Variants in MITF observed in about 807,000 individuals in gnomAD.
The protein encoded by MITF is microphthalmia-associated transcription factor.
Under a neutral mutation model 60.5 loss-of-function variants are expected in MITF, and 17 were observed. That is an observed-to-expected ratio of 0.28 (90% confidence interval 0.19 to 0.42). MITF has a LOEUF of 0.42. Ranked by LOEUF, MITF falls within the 10% of genes least tolerant of loss-of-function variation. The probability of loss-of-function intolerance (pLI) is 1.00; values close to 1 mark genes in which losing one functional copy is unlikely to be tolerated. For missense variants in MITF, 622 were observed against 683.5 expected, an observed-to-expected ratio of 0.91 and a Z score of 1.00; for synonymous variants, 260 against 248.5, an observed-to-expected ratio of 1.05 and a Z score of -0.43.
intron 5 of MITF, among the ~76,000 whole-genome samples, chr3:69,941,585 A>G (rs1576013024): frequency 1.3e-5 from 2 of 152,286 alleles, no homozygotes; most frequent in East Asian, 3.9e-4. Context: ...ATAGGGCATT[A>G]GCCCTTCCAA....
chr3:69,843,264 T>TC (rs1389783296), intron 1 of MITF, among the ~76,000 whole-genome samples: 1 of 218 alleles, frequency 4.6e-3, no homozygotes, highest in Non-Finnish European at 0.011. Context: ...TGAGAAATCA[T>TC]TTCCAAAGTG....
chr3:69,821,949 G>A (rs1368841809), intron 1 of MITF, among the ~76,000 whole-genome samples: 1 of 152,046 alleles, frequency 6.6e-6, no homozygotes, highest in African/African-American at 2.4e-5. Context: ...CGCCATGTTG[G>A]CCAGGCTGGT....
chr3:69,821,376 A>T (rs1196381770), intron 1 of MITF, among the ~76,000 whole-genome samples: 1 of 151,948 alleles, frequency 6.6e-6, no homozygotes, highest in Non-Finnish European at 1.5e-5. Flanking sequence ...GCTGCCCTCC[A>T]CCCCCAACCC....
At chr3:69,941,150 G>A in intron 4 of MITF, 86 bp from the exon 5 acceptor site, 1 of 838,694 alleles carries the variant, frequency 1.2e-6, no homozygotes, top group Non-Finnish European at 2.0e-6. Flanking sequence ...ATTGCTTTGG[G>A]TAAAAAAAGA....
At chr3:69,873,370 A>G (rs2064280466) in intron 1 of MITF, among the ~76,000 whole-genome samples, 1 of 152,220 alleles carries the variant, frequency 6.6e-6, no homozygotes, top group South Asian at 2.1e-4. Flanking sequence ...TTTAAAAAAA[A>G]TATAGCCATT....
At chr3:69,862,675 G>T (rs2064038077) in intron 1 of MITF, among the ~76,000 whole-genome samples, 1 of 152,106 alleles carries the variant, frequency 6.6e-6, no homozygotes, top group Non-Finnish European at 1.5e-5. Context: ...CTTCCAAAAA[G>T]ATTCTGAAAC....
At chr3:69,760,891 A>T (rs1294141982) in intron 1 of MITF, among the ~76,000 whole-genome samples, 5 of 152,216 alleles carry the variant, frequency 3.3e-5, no homozygotes, top group Admixed American at 1.3e-4. Flanking sequence ...AATGGTCATT[A>T]TTGTAAACAT....
At chr3:69,740,804 C>G (rs74779500) in intron 1 of MITF, among the ~76,000 whole-genome samples, 2,144 of 152,280 alleles carry the variant, frequency 0.014, 49 homozygotes, top group African/African-American at 0.048. Context: ...CCTTGCCCTT[C>G]GCTGTGGATG....
intron 1 of MITF, among the ~76,000 whole-genome samples, chr3:69,841,816 C>T (rs534745658): frequency 9.2e-5 from 14 of 152,068 alleles, no homozygotes; most frequent in Non-Finnish European, 1.6e-4. Flanking sequence ...TGAAATTGTG[C>T]ACAGGGCAGG....
intron 1 of MITF, among the ~76,000 whole-genome samples, chr3:69,742,392 G>C (rs1342460467): frequency 6.6e-6 from 1 of 152,150 alleles, no homozygotes; most frequent in Non-Finnish European, 1.5e-5. Flanking sequence ...GCAACTCTGT[G>C]TTAAACCTCA....
chr3:69,875,236 C>T (rs1488768299), intron 1 of MITF, among the ~76,000 whole-genome samples: 1 of 152,154 alleles, frequency 6.6e-6, no homozygotes, highest in Non-Finnish European at 1.5e-5. Flanking sequence ...AGTTGTGTGC[C>T]TGGCTTCAGT....
At chr3:69,854,119 A>T (rs1168635342) in intron 1 of MITF, among the ~76,000 whole-genome samples, 1 of 152,130 alleles carries the variant, frequency 6.6e-6, no homozygotes, top group Non-Finnish European at 1.5e-5. Context: ...AAGTGCTGGG[A>T]TTACAGGCGT....
chr3:69,917,782 C>T (rs11128152), intron 2 of MITF, among the ~76,000 whole-genome samples: 35,810 of 151,706 alleles, frequency 0.24, 4,406 homozygotes, highest in East Asian at 0.31. Context: ...TTGGTTGGTA[C>T]ATTTTATGTC....
intron 1 of MITF, among the ~76,000 whole-genome samples, chr3:69,753,736 T>A (rs1704023186): frequency 6.6e-6 from 1 of 152,224 alleles, no homozygotes; most frequent in Admixed American, 6.5e-5. Flanking sequence ...GGTTTTGGAC[T>A]TGCATGGAGC....
chr3:69,793,208 G>T (rs935904326), intron 1 of MITF, among the ~76,000 whole-genome samples: 2 of 151,678 alleles, frequency 1.3e-5, no homozygotes, highest in Non-Finnish European at 2.9e-5. Flanking sequence ...TAGAGATGGG[G>T]TTTCGCCATG....
At chr3:69,846,332 A>G (rs2063733422) in intron 1 of MITF, among the ~76,000 whole-genome samples, 1 of 152,142 alleles carries the variant, frequency 6.6e-6, no homozygotes, top group Non-Finnish European at 1.5e-5. Flanking sequence ...GCCTTGCCTA[A>G]TGGTGTGAAC....
intron 1 of MITF, among the ~76,000 whole-genome samples, chr3:69,861,975 T>C (rs1030545086): frequency 5.3e-5 from 8 of 151,962 alleles, no homozygotes; most frequent in Non-Finnish European, 7.4e-5. Context: ...CTTTATTCAA[T>C]AAATAAAAGG....
chr3:69,901,090 C>A (rs1473055898), intron 2 of MITF, among the ~76,000 whole-genome samples: 1 of 151,782 alleles, frequency 6.6e-6, no homozygotes, highest in Non-Finnish European at 1.5e-5. Context: ...TACAGTATAA[C>A]CTTTTATATT....
intron 1 of MITF, among the ~76,000 whole-genome samples, chr3:69,822,766 C>T (rs1311130728): frequency 6.6e-6 from 1 of 152,202 alleles, no homozygotes; most frequent in Non-Finnish European, 1.5e-5. Context: ...TACTTGCTTG[C>T]TTTCCCCAAG....
Sources: gnomAD v4.1 joint callset for allele counts (sites outside exome capture counted in the v4.1 genomes callset) on GRCh38, gnomAD v4.1.1 for gene constraint, MANE v1.5 for transcripts, NCBI Gene and HGNC (gene_info 2026-07-23, HGNC 2026-07-21) for gene names.